OR51B5: variants seen among roughly 807,000 people sequenced by gnomAD.
OR51B5 encodes the protein olfactory receptor family 51 subfamily B member 5.
For missense variants in OR51B5, 456 were observed against 374.6 expected (o/e 1.22, Z -1.79); for synonymous variants, 186 against 144.8 (o/e 1.28, Z -2.04).
chr11:5,360,654 G>C, intron 1 of OR51B5, among the ~76,000 whole-genome samples: 1 of 152,062 alleles, frequency 6.6e-6, no homozygotes, highest in Non-Finnish European at 1.5e-5. Context: ...CATACTCAAA[G>C]GATTATAAAT....
intron 1 of OR51B5, among the ~76,000 whole-genome samples, chr11:5,404,357 C>G (rs2736522): frequency 6.6e-6 from 1 of 151,928 alleles, no homozygotes; most frequent in South Asian, 2.1e-4. Flanking sequence ...CACCAATCAG[C>G]GCTGTGTGTC....
rs148887466 is a variant in OR51B5, at chr11:5,407,081, A to G, written n.85-60171T>C. 2.0e-5 allele frequency among the ~76,000 whole-genome samples: 3 copies of G among 152,236 alleles called. No homozygotes were observed. In the East Asian group the frequency reaches 5.8e-4, roughly 29 times the overall value. ...AATAATTAAAAAGCAAGAAAATAAC[A>G]ATTATGTACTACCCATTTTTTAAGT... On this transcript the variant is annotated intron_variant and non_coding_transcript_variant, in intron 1 of 4. Coordinates refer to the OR51B5 transcript ENST00000415970.
At chr11:5,463,234 T>C (rs1590011569) in intron 1 of OR51B5, among the ~76,000 whole-genome samples, 1 of 152,220 alleles carries the variant, frequency 6.6e-6, no homozygotes. Flanking sequence ...CAGTTGACAA[T>C]AAATATTTGC....
chr11:5,350,009 G>C (rs571813693), intron 1 of OR51B5, among the ~76,000 whole-genome samples: 6 of 152,082 alleles, frequency 3.9e-5, no homozygotes, highest in African/African-American at 1.4e-4. Flanking sequence ...TGTTCCCAAG[G>C]CTTCCACAGA....
At chr11:5,505,062 G>A (rs976072604) in intron 1 of OR51B5, among the ~76,000 whole-genome samples, 36 of 152,158 alleles carry the variant, frequency 2.4e-4, no homozygotes, top group African/African-American at 6.3e-4. Flanking sequence ...GGTTTTCTTT[G>A]GCCCAGATGA....
intron 1 of OR51B5, among the ~76,000 whole-genome samples, chr11:5,499,617 CT>C (rs1851691574): frequency 6.6e-6 from 1 of 152,164 alleles, no homozygotes; most frequent in Non-Finnish European, 1.5e-5. Context: ...AGTTATTCTC[CT>C]TCTTAAAGGC....
intron 1 of OR51B5, among the ~76,000 whole-genome samples, chr11:5,497,102 G>A (rs1184052260): frequency 6.6e-6 from 1 of 152,130 alleles, no homozygotes; most frequent in Non-Finnish European, 1.5e-5. Context: ...GGAATTCTTT[G>A]ATCTTGTTTC....
At chr11:5,412,257 G>C (rs1850159446) in intron 1 of OR51B5, among the ~76,000 whole-genome samples, 1 of 152,052 alleles carries the variant, frequency 6.6e-6, no homozygotes, top group Non-Finnish European at 1.5e-5. Context: ...GTCTTTTCAG[G>C]GCTCCAGGAA....
intron 1 of OR51B5, among the ~76,000 whole-genome samples, chr11:5,493,952 T>G (rs561813868): frequency 6.6e-6 from 1 of 152,350 alleles, no homozygotes; most frequent in Admixed American, 6.5e-5. Context: ...TTTTAACCAG[T>G]ATATCTAGGA....
chr11:5,347,438 G>A (rs903406494), upstream of OR51B5, among the ~76,000 whole-genome samples: 2 of 152,186 alleles, frequency 1.3e-5, no homozygotes, highest in African/African-American at 4.8e-5. Context: ...CCCTTCTTGA[G>A]TTTAGCCTAC....
chr11:5,437,407 G>T (rs910509312), intron 1 of OR51B5, among the ~76,000 whole-genome samples: 3 of 152,128 alleles, frequency 2.0e-5, no homozygotes, highest in Admixed American at 2.0e-4. Flanking sequence ...AAGCCAGAGA[G>T]GATATGACCT....
At chr11:5,390,926 G>GC (rs2133730212) in intron 1 of OR51B5, 1 of 153,218 alleles carries the variant, frequency 6.5e-6, no homozygotes, top group African/African-American at 2.4e-5. Context: ...CCTGTTTCAA[G>GC]CAACACCCCC....
chr11:5,386,610 T>C (rs1454822255), intron 1 of OR51B5, among the ~76,000 whole-genome samples: 1 of 152,038 alleles, frequency 6.6e-6, no homozygotes, highest in African/African-American at 2.4e-5. Context: ...GTGCAGTGAT[T>C]CATAGAGTTA....
chr11:5,354,690 C>A (rs1328580522), intron 1 of OR51B5: 1 of 167,786 alleles, frequency 6.0e-6, no homozygotes, highest in East Asian at 1.8e-4. Context: ...GGACCTGCAG[C>A]CCTGGCCAAC....
chr11:5,343,757 G>T, upstream of OR51B5: 1 of 397,154 alleles, frequency 2.5e-6, no homozygotes, highest in South Asian at 8.3e-5. Context: ...TCAAATTCTT[G>T]GAGTTTCAAC....
At chr11:5,401,486 C>G (rs565083600) in intron 1 of OR51B5, among the ~76,000 whole-genome samples, 1 of 152,304 alleles carries the variant, frequency 6.6e-6, no homozygotes, top group East Asian at 1.9e-4. Flanking sequence ...CTATGCTTTT[C>G]TAGTTTAATT....
chr11:5,405,276 C>T (rs969282000), intron 1 of OR51B5, among the ~76,000 whole-genome samples: 1 of 152,112 alleles, frequency 6.6e-6, no homozygotes, highest in Admixed American at 6.6e-5. Flanking sequence ...TGTTTACATA[C>T]AGTAAACATC....
chr11:5,434,014 C>T (rs1273687779), intron 1 of OR51B5, among the ~76,000 whole-genome samples: 2 of 152,116 alleles, frequency 1.3e-5, no homozygotes, highest in Admixed American at 6.5e-5. Context: ...GTGCCTCTTA[C>T]CAATTTATTT....
intron 1 of OR51B5, among the ~76,000 whole-genome samples, chr11:5,445,491 C>T (rs965374120): frequency 6.6e-6 from 1 of 151,968 alleles, no homozygotes; most frequent in African/African-American, 2.4e-5. Flanking sequence ...ACCAACCAAA[C>T]AGATAAAAAC....
Sources: allele counts gnomAD v4.1 joint callset (sites outside exome capture counted in the v4.1 genomes callset), GRCh38; gene constraint gnomAD v4.1.1; transcripts MANE v1.5; gene names NCBI Gene and HGNC (gene_info 2026-07-23, HGNC 2026-07-21).